Variants in TRDN observed in about 807,000 individuals in gnomAD.
TRDN encodes triadin.
Under a neutral mutation model 149.7 loss-of-function variants are expected in TRDN, and 161 were observed. The ratio of observed to expected loss-of-function variants is 1.08; its 90% CI spans 0.95 to 1.23. The LOEUF (loss-of-function observed/expected upper bound fraction) is 1.23, where lower values mean the gene tolerates loss of function less well. Ranked by LOEUF, TRDN falls within the 50% of genes most tolerant of loss-of-function variation. The pLI is 0.00. For synonymous variants in TRDN, 294 were observed against 250.5 expected (o/e 1.17, Z -1.64); for missense variants, 896 against 823.5 (o/e 1.09, Z -1.08).
At chr6:123,582,307 G>C (rs1348794408) in intron 1 of TRDN, among the ~76,000 whole-genome samples, 1 of 152,134 alleles carries the variant, frequency 6.6e-6, no homozygotes, top group Non-Finnish European at 1.5e-5. Context: ...AGACAGGTGT[G>C]TCTGGGTTAA....
At position 123,420,391 on chromosome 6, in the gene TRDN, T is replaced by TAAAAA. The variant is rs5879679; in HGVS notation, c.1051+17667_1051+17671dup. Among the ~76,000 whole-genome samples the TAAAAA allele has an allele frequency of 6.6e-3, 997 of 151,240 alleles. 14 individuals are homozygous for TAAAAA. Among genetic ancestry groups the TAAAAA allele is most frequent in the African/African-American group, 0.022 (922 of 41,258 alleles). ...CCTGGCAGAGATGCAAGGATTTTTTTAAAAAAAAAACAGCAAAACTGTCTA... is the reference window on the plus strand; with the variant it reads ...CCTGGCAGAGATGCAAGGATTTTTTTAAAAAAAAAAAAAAACAGCAAAACTGTCTA... On this transcript the variant is annotated intron_variant, in intron 12 of 40. Transcript: ENST00000334268.
rs142718112 is a variant in TRDN, at chr6:123,324,403, C to A, written c.1471+7476G>T. The stretch of plus-strand genomic sequence containing the variant: ...GCTGAGGCAGGAGGAGCTCTTGAGC[C>A]CAGGAGTTTGAGGCCAGCCTGAGCA... On this transcript the variant is annotated intron_variant, in intron 23 of 40. Coordinates refer to ENST00000334268, the MANE Select transcript of TRDN (RefSeq NM_006073.4). 2.1e-3 allele frequency among the ~76,000 whole-genome samples: 312 copies of A among 151,960 alleles called. 1 individual carries two copies. The highest frequency in any genetic ancestry group is 7.2e-3 in the African/African-American group (300 of 41,438).
At chr6:123,519,871 T>G (rs998643139) in intron 5 of TRDN, among the ~76,000 whole-genome samples, 2 of 152,160 alleles carry the variant, frequency 1.3e-5, no homozygotes, top group Non-Finnish European at 2.9e-5. Context: ...ACATTTCTTG[T>G]GCTTTTTTGT....
intron 22 of TRDN, among the ~76,000 whole-genome samples, chr6:123,335,113 T>C (rs1779813721): frequency 1.3e-5 from 2 of 151,958 alleles, no homozygotes; most frequent in African/African-American, 4.8e-5. Context: ...CCCTAAAATC[T>C]TATAGGTAAT....
intron 20 of TRDN, among the ~76,000 whole-genome samples, chr6:123,364,776 A>G (rs1481969503): frequency 6.6e-6 from 1 of 152,232 alleles, no homozygotes; most frequent in Non-Finnish European, 1.5e-5. Flanking sequence ...TCCTTTCAAC[A>G]TAAATCAGTG....
intron 24 of TRDN, among the ~76,000 whole-genome samples, chr6:123,289,022 T>G (rs1777901612): frequency 1.3e-5 from 2 of 148,838 alleles, no homozygotes; most frequent in African/African-American, 4.9e-5. Context: ...GGGGGGTGTG[T>G]GTGTGTGTGT....
intron 2 of TRDN, among the ~76,000 whole-genome samples, chr6:123,559,247 T>C (rs1029311782): frequency 1.3e-5 from 2 of 152,284 alleles, no homozygotes; most frequent in South Asian, 2.1e-4. Flanking sequence ...CAAGGGCCTG[T>C]TTCCCTTGCC....
At chr6:123,426,363 A>T (rs1774119004) in intron 12 of TRDN, among the ~76,000 whole-genome samples, 2 of 152,290 alleles carry the variant, frequency 1.3e-5, no homozygotes, top group South Asian at 4.1e-4. Flanking sequence ...TATTTCTAAA[A>T]CATAATGGAA....
chr6:123,575,748 A>G (rs1187359062), intron 1 of TRDN, among the ~76,000 whole-genome samples: 6 of 152,114 alleles, frequency 3.9e-5, no homozygotes, highest in Non-Finnish European at 7.4e-5. Context: ...GACTGGCTCT[A>G]GAGTCAGGTT....
intron 31 of TRDN, among the ~76,000 whole-genome samples, chr6:123,268,392 G>A (rs1476877055): frequency 2.0e-5 from 3 of 151,890 alleles, no homozygotes; most frequent in African/African-American, 7.2e-5. Context: ...TTAGTTCTCT[G>A]AAAAATATTT....
intron 20 of TRDN, among the ~76,000 whole-genome samples, chr6:123,360,401 C>G (rs532627668): frequency 2.9e-4 from 44 of 152,208 alleles, no homozygotes; most frequent in African/African-American, 1.1e-3. Flanking sequence ...CACAAAGAAG[C>G]CAGAAATAAA....
In TRDN at chr6:123,470,566, G is replaced by C. The variant is rs577743942; in HGVS notation, c.854-5583C>G. 4 of 152,340 alleles carry C rather than the reference G, an allele frequency of 2.6e-5. No homozygotes were observed. In the East Asian group the frequency reaches 7.7e-4, roughly 30 times the overall value. The allele number at this position is 152,340 out of a possible 1,614,324, so 9.4% of individuals were successfully genotyped here. A position where few individuals can be genotyped will look rare whatever the true frequency, so the allele number is the denominator to read the frequency against. On this transcript the variant is annotated intron_variant, in intron 9 of 40. Coordinates refer to ENST00000334268, the MANE Select transcript of TRDN (RefSeq NM_006073.4). ...GTGAGGCAGAGAATGACTGGAGAAAGAGACTATGTTAAACTGGATAGTAAA... is the reference window on the plus strand; with the variant it reads ...GTGAGGCAGAGAATGACTGGAGAAACAGACTATGTTAAACTGGATAGTAAA...
At chr6:123,481,217 A>G (rs147666504) in intron 9 of TRDN, among the ~76,000 whole-genome samples, 1 of 152,084 alleles carries the variant, frequency 6.6e-6, no homozygotes, top group Admixed American at 6.6e-5. Context: ...GAGATCACAG[A>G]CAACTCTGCT....
intron 35 of TRDN, among the ~76,000 whole-genome samples, chr6:123,258,824 T>C (rs1776652635): frequency 6.6e-6 from 1 of 152,166 alleles, no homozygotes; most frequent in Admixed American, 6.6e-5. Flanking sequence ...GAACTTGTTA[T>C]TGGTCTAGTC....
intron 12 of TRDN, among the ~76,000 whole-genome samples, chr6:123,398,802 T>C (rs971781806): frequency 2.6e-5 from 4 of 152,204 alleles, no homozygotes; most frequent in African/African-American, 7.2e-5. Flanking sequence ...GAAGGGCCTA[T>C]TTGCAGCCAG....
At chr6:123,479,123 T>C (rs368702024) in intron 9 of TRDN, among the ~76,000 whole-genome samples, 1 of 152,208 alleles carries the variant, frequency 6.6e-6, no homozygotes, top group East Asian at 1.9e-4. Context: ...TGTTTTAATG[T>C]GAACAGACTG....
At chr6:123,369,055 T>A (rs1036980777) in intron 19 of TRDN, among the ~76,000 whole-genome samples, 4 of 152,290 alleles carry the variant, frequency 2.6e-5, no homozygotes, top group African/African-American at 9.6e-5. Context: ...AATTCAGGCA[T>A]TGGCAGGACC....
intron 14 of TRDN, 63 bp downstream of exon 14, chr6:123,388,459 C>T: frequency 1.3e-6 from 2 of 1,545,822 alleles, no homozygotes; most frequent in Non-Finnish European, 1.8e-6. Context: ...AGTCAAAACC[C>T]AACTCAGGAT....
At chr6:123,388,682 C>A (rs1582954542) in intron 13 of TRDN, 131 bp from the exon 14 acceptor site, 2 of 948,162 alleles carry the variant, frequency 2.1e-6, no homozygotes, top group African/African-American at 1.6e-5. Context: ...TCATCCAAAT[C>A]TATGATAGGA....
Sources: gnomAD v4.1 joint callset for allele counts (sites outside exome capture counted in the v4.1 genomes callset) on GRCh38, gnomAD v4.1.1 for gene constraint, MANE v1.5 for transcripts, NCBI Gene and HGNC (gene_info 2026-07-23, HGNC 2026-07-21) for gene names.